The following RERG variants were observed in gnomAD, a reference collection of about 807,000 sequenced individuals.
RERG encodes ras-related and estrogen-regulated growth inhibitor.
In RERG, 25 loss-of-function variants were observed where a neutral mutation model predicts 23.2. The ratio of observed to expected loss-of-function variants is 1.08; its 90% CI spans 0.79 to 1.50. The LOEUF (loss-of-function observed/expected upper bound fraction) is 1.50, where lower values mean the gene tolerates loss of function less well. Ranked by LOEUF, RERG falls within the 40% of genes most tolerant of loss-of-function variation. The probability of loss-of-function intolerance (pLI) is 0.00; values close to 1 mark genes in which losing one functional copy is unlikely to be tolerated. For synonymous variants in RERG, 81 were observed against 89.1 expected, an observed-to-expected ratio of 0.91 and a Z score of 0.51; for missense variants, 253 against 250.1, an observed-to-expected ratio of 1.01 and a Z score of -0.08.
chr12:15,148,155 G>A (rs1751914448), intron 2 of RERG, among the ~76,000 whole-genome samples: 1 of 152,062 alleles, frequency 6.6e-6, no homozygotes, highest in Non-Finnish European at 1.5e-5. Context: ...CTTAGATAAC[G>A]TGACCTGAGA....
In RERG at chr12:15,174,203, T is replaced by C. The variant is rs1208320976; in HGVS notation, c.61+43226A>G. Among the ~76,000 whole-genome samples, 4 of 152,030 alleles carry C rather than the reference T, an allele frequency of 2.6e-5. No individual in the cohort carries two copies. The South Asian group carries it at 8.3e-4, about 31-fold the overall frequency. ...TTTGCTGGATGTGAAATTCTTCTAT[T>C]ACAGTCTTTTTCTTTCAGCACTTTA... On this transcript the variant is annotated intron_variant, in intron 2 of 4. Coordinates refer to ENST00000256953, the MANE Select transcript of RERG (RefSeq NM_032918.3).
intron 2 of RERG, among the ~76,000 whole-genome samples, chr12:15,193,446 A>C (rs1211486044): frequency 6.6e-6 from 1 of 152,076 alleles, no homozygotes; most frequent in Non-Finnish European, 1.5e-5. Context: ...GTTCCATACC[A>C]ATCTTCATCC....
intron 2 of RERG, among the ~76,000 whole-genome samples, chr12:15,216,822 T>C (rs1029106554): frequency 1.3e-5 from 2 of 152,368 alleles, no homozygotes; most frequent in East Asian, 3.9e-4. Flanking sequence ...ATTTCTCAGA[T>C]AGTGAACAAA....
At chr12:15,150,022 T>C (rs1377792695) in intron 2 of RERG, among the ~76,000 whole-genome samples, 1 of 152,178 alleles carries the variant, frequency 6.6e-6, no homozygotes, top group Non-Finnish European at 1.5e-5. Context: ...TCTCCTACTA[T>C]GCTACTTTGG....
intron 2 of RERG, among the ~76,000 whole-genome samples, chr12:15,169,822 CCA>C (rs1436458853): frequency 1.3e-5 from 2 of 151,938 alleles, no homozygotes; most frequent in Admixed American, 6.6e-5. Context: ...AATGATTAAA[CCA>C]CACTCTTTAG....
At chr12:15,135,417 A>G (rs1036709374) in intron 2 of RERG, among the ~76,000 whole-genome samples, 3 of 151,976 alleles carry the variant, frequency 2.0e-5, no homozygotes, top group Non-Finnish European at 4.4e-5. Context: ...CTTATTCCAT[A>G]AGCTAAGACA....
chr12:15,147,067 C>T (rs1422417420), intron 2 of RERG, among the ~76,000 whole-genome samples: 1 of 105,610 alleles, frequency 9.5e-6, no homozygotes, highest in Non-Finnish European at 2.2e-5. Flanking sequence ...TCAGTGAAGC[C>T]AAAAAAAAAA....
chr12:15,163,803 G>A (rs556901514), intron 2 of RERG, among the ~76,000 whole-genome samples: 1 of 152,208 alleles, frequency 6.6e-6, no homozygotes, highest in East Asian at 1.9e-4. Flanking sequence ...TGGGAAAGAC[G>A]ATCATTGAAG....
At chr12:15,147,007 T>C (rs1864344499) in intron 2 of RERG, among the ~76,000 whole-genome samples, 1 of 151,870 alleles carries the variant, frequency 6.6e-6, no homozygotes, top group African/African-American at 2.4e-5. Context: ...AAAAACGCCT[T>C]CTCTTTGACA....
chr12:15,129,116 C>T (rs1485132910), intron 2 of RERG, among the ~76,000 whole-genome samples: 1 of 152,170 alleles, frequency 6.6e-6, no homozygotes, highest in Non-Finnish European at 1.5e-5. Flanking sequence ...ACCATGACAG[C>T]TAGTTGAAGC....
At chr12:15,167,468 C>G (rs11056384) in intron 2 of RERG, among the ~76,000 whole-genome samples, 17,669 of 152,100 alleles carry the variant, frequency 0.12, 1,051 homozygotes, top group Middle Eastern at 0.15. Context: ...CTGATTCAGT[C>G]GGTCTAGGGT....
Position 15,217,428 on chromosome 12 carries a change from C to A in RERG, c.61+1G>T, listed in dbSNP as rs372113903. The A allele has an allele frequency of 1.2e-6, 2 of 1,609,760 alleles. No homozygotes were observed. Among genetic ancestry groups the A allele is most frequent in the African/African-American group, 1.3e-5 (1 of 74,816 alleles). On this transcript the variant is annotated splice_donor_variant, in intron 2 of 4. Coordinates refer to ENST00000256953, the MANE Select transcript of RERG (RefSeq NM_032918.3). LOFTEE classifies it high-confidence loss of function. ...TATAACAACCACAACGAAAATCTTACCTGACTTGCCCACGCCTGCTCTCCC... is the reference window on the plus strand; with the variant it reads ...TATAACAACCACAACGAAAATCTTAACTGACTTGCCCACGCCTGCTCTCCC...
rs1416946272 is a variant in RERG, at chr12:15,109,518, C to G, written c.193-1G>C. Reference sequence around the variant, plus strand: ...GCCCCTCCCTCTGAATGGTATCTTCCTGTTGGCAAAGAAAAATGGCCGTCA... The same window carrying G: ...GCCCCTCCCTCTGAATGGTATCTTCGTGTTGGCAAAGAAAAATGGCCGTCA... On this transcript the variant is annotated splice_acceptor_variant, in intron 4 of 4. Transcript: ENST00000256953. LOFTEE classifies it high-confidence loss of function. The G allele has an allele frequency of 6.4e-7, 1 of 1,571,598 alleles. No individual in the cohort carries two copies. Among genetic ancestry groups the G allele is most frequent in the Admixed American group, 1.9e-5 (1 of 53,984 alleles).
At position 15,148,887 on chromosome 12, in the gene RERG, T is replaced by TTTTTTTTG. The variant is rs1156302513; in HGVS notation, c.62-27769_62-27768insCAAAAAAA. Among the ~76,000 whole-genome samples, 66 of 69,500 alleles carry TTTTTTTTG rather than the reference T, an allele frequency of 9.5e-4. 23 individuals carry two copies. The highest frequency in any genetic ancestry group is 1.7e-3 in the Non-Finnish European group (54 of 32,656). The allele number at this position is 69,500 out of a possible 152,430, so 45.6% of individuals were successfully genotyped here. A position where few individuals can be genotyped will look rare whatever the true frequency, so the allele number is the denominator to read the frequency against. Reference sequence around the variant, plus strand: ...TTTTTTTTTTTTTTTTTTTTTTTTTTAGACAGAGTCTAGCTCTGTCACCCA... The same window carrying TTTTTTTTG: ...TTTTTTTTTTTTTTTTTTTTTTTTTTTTTTTTTGAGACAGAGTCTAGCTCTGTCACCCA... On this transcript the variant is annotated intron_variant, in intron 2 of 4. Coordinates refer to ENST00000256953, the MANE Select transcript of RERG (RefSeq NM_032918.3).
At chr12:15,139,937 T>C (rs1260624981) in intron 2 of RERG, among the ~76,000 whole-genome samples, 1 of 152,210 alleles carries the variant, frequency 6.6e-6, no homozygotes, top group Non-Finnish European at 1.5e-5. Flanking sequence ...TCAAGTATAC[T>C]ATGTTCATCT....
At chr12:15,168,080 C>G (rs1390510796) in intron 2 of RERG, among the ~76,000 whole-genome samples, 1 of 152,188 alleles carries the variant, frequency 6.6e-6, no homozygotes, top group African/African-American at 2.4e-5. Flanking sequence ...ACTCAAATGT[C>G]CAAGGCTCTG....
intron 2 of RERG, among the ~76,000 whole-genome samples, chr12:15,209,471 A>C (rs1239637349): frequency 6.6e-6 from 1 of 152,188 alleles, no homozygotes. Context: ...TTTATATAAC[A>C]ATGAGAAACA....
At chr12:15,215,134 C>T (rs910198694) in intron 2 of RERG, among the ~76,000 whole-genome samples, 1 of 152,148 alleles carries the variant, frequency 6.6e-6, no homozygotes, top group African/African-American at 2.4e-5. Flanking sequence ...ATAGAGAAAA[C>T]AGTCCAAAGA....
intron 2 of RERG, among the ~76,000 whole-genome samples, chr12:15,161,143 AAAG>A (rs1864600172): frequency 1.7e-5 from 1 of 57,922 alleles, no homozygotes; most frequent in African/African-American, 7.9e-5. Context: ...TCAGAAAAAG[AAAG>A]AAAGAAAGAA....
Sources: gnomAD v4.1 joint callset for allele counts (sites outside exome capture counted in the v4.1 genomes callset) on GRCh38, gnomAD v4.1.1 for gene constraint, MANE v1.5 for transcripts, NCBI Gene and HGNC (gene_info 2026-07-23, HGNC 2026-07-21) for gene names.